USP9X: variants seen among roughly 807,000 people sequenced by gnomAD.
The protein encoded by USP9X is ubiquitin specific peptidase 9 X-linked.
Under a neutral mutation model 190.3 loss-of-function variants are expected in USP9X, and 7 were observed. The ratio of observed to expected loss-of-function variants is 0.04; its 90% CI spans 0.02 to 0.07. The LOEUF is 0.07. Ranked by LOEUF, USP9X falls within the 10% of genes least tolerant of loss-of-function variation. The probability of loss-of-function intolerance (pLI) is 1.00; values close to 1 mark genes in which losing one functional copy is unlikely to be tolerated. For synonymous variants in USP9X, 645 were observed against 659.5 expected (o/e 0.98, Z 0.34); for missense variants, 1,010 against 1,916.9 (o/e 0.53, Z 8.83).
intron 10 of USP9X, among the ~76,000 whole-genome samples, chrX:41,144,170 T>C (rs1473756264): frequency 9.0e-6 from 1 of 110,760 alleles, no homozygotes; most frequent in African/African-American, 3.3e-5. Context: ...ATCATGAAAT[T>C]AAGTTGCCAG....
At chrX:41,149,992 C>T (rs1466238483) in intron 12 of USP9X, among the ~76,000 whole-genome samples, 3 of 111,359 alleles carry the variant, frequency 2.7e-5, no homozygotes. Flanking sequence ...AGGCATGAGC[C>T]ACAGCTCCCA....
At chrX:41,135,335 C>G (rs1257349830) in intron 5 of USP9X, among the ~76,000 whole-genome samples, 1 of 110,791 alleles carries the variant, frequency 9.0e-6, no homozygotes, top group African/African-American at 3.3e-5. Context: ...AAGTGAAAAT[C>G]TAAACCACAA....
At chrX:41,088,887 A>G (rs2061932852) in intron 1 of USP9X, among the ~76,000 whole-genome samples, 1 of 111,478 alleles carries the variant, frequency 9.0e-6, no homozygotes, top group Admixed American at 9.6e-5. Flanking sequence ...CATAGAGTTT[A>G]ACGTTAATAT....
At position 41,170,630 on chromosome X, in the gene USP9X, AC is replaced by A; in HGVS notation, c.3027+12del. The A allele has an allele frequency of 1.7e-6, 2 of 1,202,915 alleles. No homozygotes were observed. The highest frequency in any genetic ancestry group is 3.0e-5 in the East Asian group (1 of 33,638). On this transcript the variant is annotated intron_variant, in intron 20 of 44. Coordinates refer to ENST00000378308, the MANE Select transcript of USP9X (RefSeq NM_001039591.3). ...TGTTTGCCTGGAGTGGTGAGTAGAT[AC>A]AGTTTTGAACTACTGTATGTAAGGC... is the stretch of plus-strand genomic sequence containing the variant.
In USP9X at chrX:41,141,232, T is replaced by G; in HGVS notation, c.1022+15T>G. 8.4e-7 allele frequency: 1 copy of G among 1,194,658 alleles called. No individual in the cohort carries two copies. Among genetic ancestry groups the G allele is most frequent in the Non-Finnish European group, 1.1e-6 (1 of 887,461 alleles). On this transcript the variant is annotated intron_variant, in intron 8 of 44. Coordinates refer to ENST00000378308, the MANE Select transcript of USP9X (RefSeq NM_001039591.3). Reference sequence around the variant, plus strand: ...ATGATACTTAGGTAAGATACTTACCTCTTGAAATAATTGTTAATGCCGATT... The same window carrying G: ...ATGATACTTAGGTAAGATACTTACCGCTTGAAATAATTGTTAATGCCGATT...
intron 3 of USP9X, among the ~76,000 whole-genome samples, chrX:41,129,874 A>T (rs1006223147): frequency 5.4e-5 from 6 of 111,704 alleles, no homozygotes; most frequent in East Asian, 5.6e-4. Flanking sequence ...GTTTTTTTTT[A>T]AATTTCATTT....
chrX:41,144,761 C>T (rs911138304), intron 11 of USP9X, 135 bp downstream of exon 11: 1 of 467,786 alleles, frequency 2.1e-6, no homozygotes, highest in African/African-American at 2.5e-5. Context: ...AGGAATTGGC[C>T]CATTGTTTTC....
intron 1 of USP9X, among the ~76,000 whole-genome samples, chrX:41,100,772 C>T: frequency 9.0e-6 from 1 of 110,991 alleles, no homozygotes; most frequent in Non-Finnish European, 1.9e-5. Flanking sequence ...TCAGCCTCCT[C>T]AGTAGCTGGG....
chrX:41,219,904 G>A (rs986354259), intron 38 of USP9X, among the ~76,000 whole-genome samples: 1 of 111,742 alleles, frequency 8.9e-6, no homozygotes, highest in African/African-American at 3.3e-5. Context: ...AGAATCACTT[G>A]AGCTAAGGAG....
chrX:41,210,800 G>A (rs1355178696), intron 33 of USP9X, 118 bp downstream of exon 33: 2 of 734,679 alleles, frequency 2.7e-6, no homozygotes, highest in Non-Finnish European at 3.9e-6. Context: ...CTAAATACCT[G>A]AAACAGAATG....
intron 21 of USP9X, among the ~76,000 whole-genome samples, chrX:41,180,338 AAC>A (rs1349915162): frequency 8.9e-6 from 1 of 112,803 alleles, no homozygotes; most frequent in African/African-American, 3.2e-5. Flanking sequence ...ATACTGTAAA[AAC>A]ACAAACCCAC....
chrX:41,106,522 A>ATTT (rs35038623), intron 1 of USP9X, among the ~76,000 whole-genome samples: 988 of 58,782 alleles, frequency 0.017, 76 homozygotes, highest in Non-Finnish European at 0.022. Flanking sequence ...TTCTGAATTA[A>ATTT]TTTTTTTTTT....
intron 44 of USP9X, 41 bp from the exon 45 acceptor site, chrX:41,232,346 T>C (rs1267071715): frequency 1.7e-6 from 2 of 1,182,230 alleles, no homozygotes; most frequent in South Asian, 1.9e-5. Flanking sequence ...TGTTTTACTA[T>C]GTGAAAAGTT....
At chrX:41,151,298 T>A (rs1272570437) in intron 13 of USP9X, among the ~76,000 whole-genome samples, 1 of 111,415 alleles carries the variant, frequency 9.0e-6, no homozygotes, top group African/African-American at 3.3e-5. Flanking sequence ...TTTGGGTTCT[T>A]GGTTCAGAAT....
chrX:41,089,903 G>GTTTTTTTTTT lies in USP9X; in HGVS notation c.-159+3813_-159+3822dup, dbSNP rs139093155. ...CTATAGGAGTTTAGGATCTATGAGG[G>GTTTTTTTTTT]TTTTTTTTTTTTTTTTTTTTTTTTT... On this transcript the variant is annotated intron_variant, in intron 1 of 44. Coordinates refer to ENST00000378308, the MANE Select transcript of USP9X (RefSeq NM_001039591.3). Among the ~76,000 whole-genome samples, 39 of 30,356 alleles carry GTTTTTTTTTT rather than the reference G, an allele frequency of 1.3e-3. 5 individuals are homozygous for GTTTTTTTTTT. The highest frequency in any genetic ancestry group is 2.3e-3 in the Admixed American group (4 of 1,716). 26.4% of individuals were successfully genotyped at this position (30,356 alleles called of 115,157 possible). A position where few individuals can be genotyped will look rare whatever the true frequency, so the allele number is the denominator to read the frequency against.
intron 1 of USP9X, among the ~76,000 whole-genome samples, chrX:41,109,593 A>T (rs969465768): frequency 2.7e-5 from 3 of 112,540 alleles, no homozygotes; most frequent in Admixed American, 9.4e-5. Flanking sequence ...AGTGACAAAA[A>T]TCAGGAATCT....
At chrX:41,125,138 C>T (rs1343359403) in intron 2 of USP9X, among the ~76,000 whole-genome samples, 4 of 110,919 alleles carry the variant, frequency 3.6e-5, no homozygotes, top group Admixed American at 9.5e-5. Flanking sequence ...TGCAGTGGCG[C>T]GATCTTGGCT....
chrX:41,205,263 A>G, intron 31 of USP9X, 40 bp from the exon 32 acceptor site: 1 of 1,037,367 alleles, frequency 9.6e-7, no homozygotes. Flanking sequence ...AACGTATTTT[A>G]TTATACTTTA....
At chrX:41,220,667 T>C (rs899145285) in intron 38 of USP9X, among the ~76,000 whole-genome samples, 1 of 112,421 alleles carries the variant, frequency 8.9e-6, no homozygotes, top group East Asian at 2.8e-4. Flanking sequence ...TGAAAAACTT[T>C]GTTGGGCTGG....
Sources: gnomAD v4.1 joint callset for allele counts (sites outside exome capture counted in the v4.1 genomes callset) on GRCh38, gnomAD v4.1.1 for gene constraint, MANE v1.5 for transcripts, NCBI Gene and HGNC (gene_info 2026-07-23, HGNC 2026-07-21) for gene names.